Variants in SGSM2 observed in about 807,000 individuals in gnomAD.
SGSM2 encodes the protein small G protein signaling modulator 2.
A neutral mutation model predicts 126.6 loss-of-function variants in SGSM2; 89 were observed. The ratio of observed to expected loss-of-function variants is 0.70; its 90% CI spans 0.59 to 0.84. The LOEUF (loss-of-function observed/expected upper bound fraction) is 0.84, where lower values mean the gene tolerates loss of function less well. Ranked by LOEUF, SGSM2 falls within the 40% of genes least tolerant of loss-of-function variation. The pLI is 0.00. For missense variants in SGSM2, 1,404 were observed against 1,416.6 expected, an observed-to-expected ratio of 0.99 and a Z score of 0.14; for synonymous variants, 614 against 574.3, an observed-to-expected ratio of 1.07 and a Z score of -0.99.
chr17:2,380,001 AC>A lies in SGSM2; in HGVS notation c.*483del. On this transcript the variant is annotated 3_prime_UTR_variant, in exon 24 of 24. Coordinates refer to ENST00000268989, the MANE Select transcript of SGSM2 (RefSeq NM_014853.3). The stretch of plus-strand genomic sequence containing the variant: ...GCGTGCACCAGCCCCAGCTGGAGCA[AC>A]CAAAACTGCTTCTGGTTTAGGCACA... The A allele has an allele frequency of 7.2e-7, 1 of 1,387,472 alleles. No individual in the cohort carries two copies. Among genetic ancestry groups the A allele is most frequent in the Non-Finnish European group, 9.3e-7 (1 of 1,073,266 alleles). 85.9% of individuals were successfully genotyped at this position (1,387,472 alleles called of 1,614,324 possible).
chr17:2,379,259 C>A (rs1180014639), intron 23 of SGSM2, 56 bp downstream of exon 23: 2 of 1,598,324 alleles, frequency 1.3e-6, no homozygotes, highest in Admixed American at 1.7e-5. Context: ...GAGGCCCCCA[C>A]CTCTGCCCCG....
At chr17:2,370,519 G>A (rs932957184) in intron 12 of SGSM2, among the ~76,000 whole-genome samples, 1 of 131,968 alleles carries the variant, frequency 7.6e-6, no homozygotes, top group Non-Finnish European at 1.6e-5. Flanking sequence ...CACCACTCCC[G>A]GCCCCGCAGT....
At position 2,376,103 on chromosome 17, in the gene SGSM2, C is replaced by G. The variant is rs201352028; in HGVS notation, c.2485-34C>G. The G allele has an allele frequency of 2.0e-5, 32 of 1,613,326 alleles. No homozygotes were observed. In the South Asian group the frequency reaches 3.2e-4, roughly 16 times the overall value. On this transcript the variant is annotated intron_variant, in intron 18 of 23. Coordinates refer to ENST00000268989, the MANE Select transcript of SGSM2 (RefSeq NM_014853.3). The stretch of plus-strand genomic sequence containing the variant: ...TGCCCCCAGCCTGGGAAGGGCTGCC[C>G]GGTCTCATGCCTGAGGGCCCTCCAC...
rs962090466 is a variant in SGSM2 at position 2,376,885 on chromosome 17, G to T, written c.2692+70G>T. 5 of 1,606,320 alleles carry T rather than the reference G, an allele frequency of 3.1e-6. No homozygotes were observed. In the Admixed American group the frequency reaches 6.7e-5, roughly 21 times the overall value. ...AAGGACGAGAGGGTGGCCAGGTCTGGAGGGGTGGGAATGGGAGCCGGCTCT... is the reference window on the plus strand; with the variant it reads ...AAGGACGAGAGGGTGGCCAGGTCTGTAGGGGTGGGAATGGGAGCCGGCTCT... On this transcript the variant is annotated intron_variant, in intron 20 of 23. Transcript: ENST00000268989.
intron 2 of SGSM2, among the ~76,000 whole-genome samples, chr17:2,358,879 T>TTTG (rs2065191510): frequency 2.1e-5 from 1 of 48,448 alleles, no homozygotes; most frequent in Non-Finnish European, 4.9e-5. Flanking sequence ...TGTTGTTTTT[T>TTTG]TTTTTTTTTT....
At chr17:2,371,849 AG>A in intron 13 of SGSM2, 1 of 391,728 alleles carries the variant, frequency 2.6e-6, no homozygotes, top group African/African-American at 2.1e-5. Context: ...CTTTTATGGG[AG>A]GTGTTCTCTT....
chr17:2,338,316 T>C (rs1471543219), intron 1 of SGSM2, among the ~76,000 whole-genome samples: 1 of 152,126 alleles, frequency 6.6e-6, no homozygotes, highest in African/African-American at 2.4e-5. Flanking sequence ...TTGTTTGGAA[T>C]GGTTTTTAAC....
At chr17:2,377,498 A>AAAAAAAAGAAAAAAAAAAAAC (rs2066229185) in intron 21 of SGSM2, 31 of 188,074 alleles carry the variant, frequency 1.6e-4, no homozygotes, top group South Asian at 7.6e-4. Flanking sequence ...AAAAAAAAAA[A>AAAAAAAAGAAAAAAAAAAAAC]AACCATGGTT....
chr17:2,364,635 G>C lies in SGSM2; in HGVS notation c.972G>C (p.Gln324His). 6.2e-7 allele frequency: 1 copy of C among 1,614,212 alleles called. No individual in the cohort carries two copies. Among genetic ancestry groups the C allele is most frequent in the South Asian group, 1.1e-5 (1 of 91,080 alleles). The change falls in exon 9 of 24, where the codon CAG becomes CAC. Residue 324 changes from glutamine to histidine, a missense_variant. Coordinates refer to ENST00000268989, the MANE Select transcript of SGSM2 (RefSeq NM_014853.3). ...WDYALVVPFS[Q>H]VVCIHCHQQK... ...ATGCCCTCGTGGTGCCCTTCAGCCA[G>C]GTCGTGTGCATCCACTGCCACCAGC...
chr17:2,339,906 C>G (rs1006298559), intron 1 of SGSM2, among the ~76,000 whole-genome samples: 2 of 151,952 alleles, frequency 1.3e-5, no homozygotes, highest in Admixed American at 6.6e-5. Context: ...TTTCTTAGGC[C>G]AGGGGTGTAT....
At chr17:2,365,083 G>T in intron 10 of SGSM2, 26 bp downstream of exon 10, 1 of 1,607,844 alleles carries the variant, frequency 6.2e-7, no homozygotes, top group South Asian at 1.1e-5. Context: ...GGCTTTAGGG[G>T]AAGGGCTGTG....
At chr17:2,376,661 G>A in intron 19 of SGSM2, 72 bp from the exon 20 acceptor site, 3 of 1,526,408 alleles carry the variant, frequency 2.0e-6, no homozygotes, top group Non-Finnish European at 2.7e-6. Flanking sequence ...GGCTCTGGAG[G>A]ACGTCTTCCC....
At chr17:2,346,829 C>A (rs1307647394) in intron 2 of SGSM2, among the ~76,000 whole-genome samples, 1 of 152,146 alleles carries the variant, frequency 6.6e-6, no homozygotes, top group African/African-American at 2.4e-5. Flanking sequence ...TGACTCACAC[C>A]TGCAATCCCA....
At chr17:2,360,553 C>T (rs1009349043) in intron 2 of SGSM2, among the ~76,000 whole-genome samples, 1 of 152,208 alleles carries the variant, frequency 6.6e-6, no homozygotes, top group African/African-American at 2.4e-5. Flanking sequence ...GACCCAGCAC[C>T]TCCTGAGAGC....
At position 2,379,420 on chromosome 17, in the gene SGSM2, G is replaced by A. The variant is rs773276485; in HGVS notation, c.3068-12G>A. 2.9e-5 allele frequency: 46 copies of A among 1,610,484 alleles called. No homozygotes were observed. The highest frequency in any genetic ancestry group is 2.1e-4 in the African/African-American group (16 of 74,856). On this transcript the variant is annotated splice_polypyrimidine_tract_variant and intron_variant, in intron 23 of 23. Coordinates refer to ENST00000268989, the MANE Select transcript of SGSM2 (RefSeq NM_014853.3). ...TCTGGGCCTCTCTACAGCTCTTCAC[G>A]TTTCCCCCCAGAACGTGCTGAGCAT...
intron 2 of SGSM2, among the ~76,000 whole-genome samples, chr17:2,360,918 T>C (rs1336329668): frequency 6.6e-6 from 1 of 152,200 alleles, no homozygotes; most frequent in Non-Finnish European, 1.5e-5. Context: ...GTAAAACTGT[T>C]AGTTTGGCCC....
At chr17:2,343,662 C>T (rs764069634) in intron 2 of SGSM2, 42 bp downstream of exon 2, 2 of 1,572,610 alleles carry the variant, frequency 1.3e-6, no homozygotes, top group Non-Finnish European at 8.7e-7. Context: ...CGGTCTAGAG[C>T]CGAGGACACT....
In SGSM2 at chr17:2,375,487, C is replaced by T; in HGVS notation, c.2101-5C>T. On this transcript the variant is annotated splice_polypyrimidine_tract_variant and splice_region_variant and intron_variant, in intron 17 of 23. Coordinates refer to ENST00000268989, the MANE Select transcript of SGSM2 (RefSeq NM_014853.3). ...AGGTGGAGCCGCCCTGTGTTCACCCCCCAGGTGTTTATCTCAGTGGATGAT... is the reference window on the plus strand; with the variant it reads ...AGGTGGAGCCGCCCTGTGTTCACCCTCCAGGTGTTTATCTCAGTGGATGAT... 6.2e-7 allele frequency: 1 copy of T among 1,603,810 alleles called. No homozygotes were observed. The highest frequency in any genetic ancestry group is 8.5e-7 in the Non-Finnish European group (1 of 1,173,936).
Position 2,363,454 on chromosome 17 carries a change from C to T in SGSM2, c.673-11C>T. Reference sequence around the variant, plus strand: ...CCAAGGCTGGAGGCTGAGCCCCGGCCTTCCACACAGATCCGGAAACGGCAC... The same window carrying T: ...CCAAGGCTGGAGGCTGAGCCCCGGCTTTCCACACAGATCCGGAAACGGCAC... On this transcript the variant is annotated splice_polypyrimidine_tract_variant and intron_variant, in intron 6 of 23. Transcript: ENST00000268989. This position sits in a 1 kb window ranked among gnomAD's most constrained non-coding sequence, Gnocchi z 4.2. 6.2e-7 allele frequency: 1 copy of T among 1,613,006 alleles called. No homozygotes were observed. The highest frequency in any genetic ancestry group is 8.5e-7 in the Non-Finnish European group (1 of 1,179,988).
Sources: allele counts gnomAD v4.1 joint callset (sites outside exome capture counted in the v4.1 genomes callset), GRCh38; gene constraint gnomAD v4.1.1; non-coding constraint Gnocchi (gnomAD v3.1); transcripts MANE v1.5; gene names NCBI Gene and HGNC (gene_info 2026-07-23, HGNC 2026-07-21).